The following AFF3 variants were observed in gnomAD, a reference collection of about 807,000 sequenced individuals.
The protein encoded by AFF3 is ALF transcription elongation factor 3, also known as AF4/FMR2 family member 3.
AFF3 carries 32 observed loss-of-function variants against 129.7 expected under a neutral mutation model. The ratio of observed to expected loss-of-function variants is 0.25; its 90% CI spans 0.19 to 0.33. AFF3 has a LOEUF of 0.33. AFF3 is among the 10% of genes least tolerant of loss of function. AFF3 has a pLI of 1.00. For missense variants in AFF3, 1,373 were observed against 1,592.0 expected (o/e 0.86, Z 2.34); for synonymous variants, 644 against 635.4 (o/e 1.01, Z -0.20).
intron 2 of AFF3, chr2:100,107,142 T>C (rs1427802634): frequency 2.0e-6 from 2 of 985,346 alleles, no homozygotes; most frequent in Admixed American, 1.2e-4. Context: ...TTTCATGTAA[T>C]AGTGTCTTGG....
intron 7 of AFF3, among the ~76,000 whole-genome samples, chr2:99,914,659 T>C (rs533766817): frequency 9.9e-5 from 15 of 152,264 alleles, no homozygotes; most frequent in Admixed American, 2.6e-4. Flanking sequence ...CTCATGCCTG[T>C]AATCCCAGCA....
chr2:99,800,379 A>T (rs892589466), intron 8 of AFF3, among the ~76,000 whole-genome samples: 1 of 152,194 alleles, frequency 6.6e-6, no homozygotes, highest in Non-Finnish European at 1.5e-5. Context: ...ATACCACTAC[A>T]TACCTATTAG....
At chr2:99,713,332 A>T (rs1399038548) in intron 11 of AFF3, among the ~76,000 whole-genome samples, 2 of 149,958 alleles carry the variant, frequency 1.3e-5, no homozygotes, top group Non-Finnish European at 2.9e-5. Flanking sequence ...GCAGTGGCAC[A>T]ATCTCGGCTC....
chr2:99,556,423 C>T lies in AFF3; in HGVS notation c.3286-1691G>A, dbSNP rs148810914. The stretch of plus-strand genomic sequence containing the variant: ...TGCCACTGCACTCCAGCCTGGGTGA[C>T]GGAGCGAGACTCCGTCTCAAAAAAA... On this transcript the variant is annotated intron_variant, in intron 22 of 24. Coordinates refer to ENST00000672756, the MANE Select transcript of AFF3 (RefSeq NM_001386135.1). Among the ~76,000 whole-genome samples the T allele has an allele frequency of 1.9e-3, 286 of 152,098 alleles. 3 individuals carry two copies. Among genetic ancestry groups the T allele is most frequent in the African/African-American group, 6.6e-3 (274 of 41,500 alleles).
chr2:99,885,508 A>G (rs1330697247), intron 7 of AFF3, among the ~76,000 whole-genome samples: 1 of 152,128 alleles, frequency 6.6e-6, no homozygotes, highest in Non-Finnish European at 1.5e-5. Context: ...TTTAAAACTT[A>G]TTTTCTTGTT....
intron 7 of AFF3, among the ~76,000 whole-genome samples, chr2:99,922,310 C>T (rs1344735726): frequency 2.6e-5 from 4 of 152,162 alleles, no homozygotes; most frequent in African/African-American, 7.2e-5. Flanking sequence ...TAACCCCAAA[C>T]TAGAAATAGC....
At chr2:99,846,942 T>A (rs1689768755) in intron 7 of AFF3, among the ~76,000 whole-genome samples, 1 of 152,154 alleles carries the variant, frequency 6.6e-6, no homozygotes, top group Non-Finnish European at 1.5e-5. Flanking sequence ...TTTCTATGTA[T>A]GCTCTCTGAG....
At chr2:99,691,685 C>T (rs1675678650) in intron 11 of AFF3, among the ~76,000 whole-genome samples, 2 of 152,154 alleles carry the variant, frequency 1.3e-5, no homozygotes, top group African/African-American at 4.8e-5. Context: ...ATCACTTATC[C>T]TTCCTGTGGG....
intron 22 of AFF3, among the ~76,000 whole-genome samples, chr2:99,557,882 G>A (rs1483816788): frequency 6.6e-6 from 1 of 152,186 alleles, no homozygotes; most frequent in Non-Finnish European, 1.5e-5. Flanking sequence ...TCTGACAAAG[G>A]GCTGTTGGAG....
chr2:99,855,532 T>C (rs1170758537), intron 7 of AFF3, among the ~76,000 whole-genome samples: 1 of 152,160 alleles, frequency 6.6e-6, no homozygotes, highest in Non-Finnish European at 1.5e-5. Context: ...GAACTTCTAA[T>C]GGCTAAAGCT....
intron 4 of AFF3, among the ~76,000 whole-genome samples, chr2:100,056,061 T>TCA (rs760665941): frequency 0.14 from 18,227 of 133,050 alleles, 1,261 homozygotes; most frequent in Admixed American, 0.18. Context: ...GCTGTCTCTC[T>TCA]CTCACACACA....
At chr2:100,137,065 T>C (rs900591273) in intron 1 of AFF3, among the ~76,000 whole-genome samples, 1 of 152,250 alleles carries the variant, frequency 6.6e-6, no homozygotes, top group Non-Finnish European at 1.5e-5. Context: ...AATTCTATTA[T>C]TTTGAATTAT....
chr2:99,846,035 C>T (rs909700821), intron 7 of AFF3, among the ~76,000 whole-genome samples: 1 of 151,760 alleles, frequency 6.6e-6, no homozygotes. Context: ...GGTTTCACCA[C>T]GTTAGCCAGG....
intron 7 of AFF3, among the ~76,000 whole-genome samples, chr2:99,945,718 A>G (rs1675497593): frequency 6.6e-6 from 1 of 152,204 alleles, no homozygotes; most frequent in Admixed American, 6.5e-5. Context: ...CTCGTCTACC[A>G]GTATTGTTAT....
At chr2:99,935,517 TC>T (rs1674445108) in intron 7 of AFF3, among the ~76,000 whole-genome samples, 2 of 152,192 alleles carry the variant, frequency 1.3e-5, no homozygotes. Flanking sequence ...AGACACATTC[TC>T]ACTACAGTAG....
intron 8 of AFF3, among the ~76,000 whole-genome samples, chr2:99,832,624 T>C (rs1334338983): frequency 6.6e-6 from 1 of 152,236 alleles, no homozygotes; most frequent in African/African-American, 2.4e-5. Context: ...ATCTCACAGA[T>C]ATAAAATGAG....
At chr2:99,747,938 C>T (rs976784434) in intron 9 of AFF3, among the ~76,000 whole-genome samples, 11 of 152,048 alleles carry the variant, frequency 7.2e-5, no homozygotes, top group African/African-American at 2.4e-4. Context: ...TCATTCTTAC[C>T]GGCATTTGGC....
At chr2:99,832,723 T>C (rs1576130699) in intron 8 of AFF3, among the ~76,000 whole-genome samples, 1 of 152,260 alleles carries the variant, frequency 6.6e-6, no homozygotes, top group Non-Finnish European at 1.5e-5. Flanking sequence ...CTAACTTATC[T>C]TGGCTAGACT....
intron 8 of AFF3, among the ~76,000 whole-genome samples, chr2:99,806,555 T>A (rs751869452): frequency 3.9e-5 from 6 of 152,096 alleles, no homozygotes; most frequent in Non-Finnish European, 7.4e-5. Context: ...GGGGAACCAC[T>A]CCAGACTTGA....
Sources: gnomAD v4.1 joint callset for allele counts (sites outside exome capture counted in the v4.1 genomes callset) on GRCh38, gnomAD v4.1.1 for gene constraint, MANE v1.5 for transcripts, NCBI Gene and HGNC (gene_info 2026-07-23, HGNC 2026-07-21) for gene names.